PREX1: variants seen among roughly 807,000 people sequenced by gnomAD.
The protein encoded by PREX1 is phosphatidylinositol 3,4,5-trisphosphate-dependent Rac exchanger 1 protein.
PREX1 carries 41 observed loss-of-function variants against 198.3 expected under a neutral mutation model. The observed-to-expected ratio is 0.21, with a 90% confidence interval of 0.16 to 0.27. The LOEUF (loss-of-function observed/expected upper bound fraction) is 0.27, where lower values mean the gene tolerates loss of function less well. PREX1 is among the 10% of genes least tolerant of loss of function. The pLI is 1.00. For synonymous variants in PREX1, 843 were observed against 887.2 expected (o/e 0.95, Z 0.89); for missense variants, 1,620 against 2,200.7 (o/e 0.74, Z 5.28).
At chr20:48,820,683 C>A (rs4810882) in intron 1 of PREX1, among the ~76,000 whole-genome samples, 43,449 of 151,884 alleles carry the variant, frequency 0.29, 6,437 homozygotes, top group Non-Finnish European at 0.33. Flanking sequence ...CCTGGAATAT[C>A]TGGAGACATC....
chr20:48,787,154 C>A (rs186555834), intron 1 of PREX1, among the ~76,000 whole-genome samples: 1 of 152,160 alleles, frequency 6.6e-6, no homozygotes, highest in East Asian at 1.9e-4. Flanking sequence ...TGGTGACGGG[C>A]GACAGTGCCC....
chr20:48,759,701 G>T (rs1025235299), intron 1 of PREX1, among the ~76,000 whole-genome samples: 1 of 152,044 alleles, frequency 6.6e-6, no homozygotes, highest in Non-Finnish European at 1.5e-5. Context: ...CCTCTATAAC[G>T]GGGGATAAAA....
chr20:48,859,686 A>G, the PREX1 span, among the ~76,000 whole-genome samples: 4 of 152,230 alleles, frequency 2.6e-5, no homozygotes, highest in African/African-American at 4.8e-5. Flanking sequence ...CATATGACCC[A>G]GCAATTCCAC....
intron 25 of PREX1, among the ~76,000 whole-genome samples, chr20:48,646,719 G>A (rs1351057611): frequency 1.3e-5 from 2 of 151,582 alleles, no homozygotes; most frequent in Non-Finnish European, 2.9e-5. Context: ...GAAAACAATA[G>A]GCTGAAGTCT....
At chr20:48,733,605 T>C (rs1325972845) in intron 4 of PREX1, among the ~76,000 whole-genome samples, 1 of 152,174 alleles carries the variant, frequency 6.6e-6, no homozygotes, top group African/African-American at 2.4e-5. Flanking sequence ...GAGACATACA[T>C]TACTGATGAC....
In PREX1 at chr20:48,682,805, G is replaced by A. The variant is rs984458587; in HGVS notation, c.1335-1470C>T. ...GAGAGCCTGGAATGGGGCTGTTTCC[G>A]CCGAGGCAATCTGTGTTCAATGAAA... On this transcript the variant is annotated intron_variant, in intron 10 of 39. Transcript: ENST00000371941. Among the ~76,000 whole-genome samples the A allele has an allele frequency of 1.4e-4, 21 of 152,304 alleles. No homozygotes were observed. In the East Asian group the frequency reaches 1.5e-3, roughly 11 times the overall value.
intron 1 of PREX1, among the ~76,000 whole-genome samples, chr20:48,802,797 A>G (rs538566877): frequency 6.6e-6 from 1 of 152,334 alleles, no homozygotes; most frequent in Non-Finnish European, 1.5e-5. Context: ...AGCTCTAAGT[A>G]TGCCTGACAT....
chr20:48,809,716 G>A (rs184804589), intron 1 of PREX1, among the ~76,000 whole-genome samples: 135 of 152,306 alleles, frequency 8.9e-4, no homozygotes, highest in Non-Finnish European at 1.5e-3. Context: ...AAACCTGACC[G>A]GGATGGTATC....
chr20:48,819,744 T>C (rs955155972), intron 1 of PREX1, among the ~76,000 whole-genome samples: 2 of 152,242 alleles, frequency 1.3e-5, no homozygotes, highest in Non-Finnish European at 2.9e-5. Flanking sequence ...TTTTGCGGTG[T>C]CTGAAGATTC....
chr20:48,637,854 T>C (rs1304587345), intron 30 of PREX1, 102 bp from the exon 31 acceptor site: 10 of 1,044,798 alleles, frequency 9.6e-6, no homozygotes, highest in Non-Finnish European at 7.1e-6. Context: ...CAAGGTGCTC[T>C]GACCCTTCAC....
At chr20:48,824,578 C>T (rs2090500693) in intron 1 of PREX1, among the ~76,000 whole-genome samples, 1 of 152,206 alleles carries the variant, frequency 6.6e-6, no homozygotes, top group Non-Finnish European at 1.5e-5. Context: ...TACTGCCAGA[C>T]ACTGTTCTAA....
chr20:48,800,321 A>G (rs1001796189), intron 1 of PREX1, among the ~76,000 whole-genome samples: 8 of 152,210 alleles, frequency 5.3e-5, no homozygotes, highest in African/African-American at 1.7e-4. Context: ...CAACAGCCCC[A>G]GTTTACTGAG....
intron 1 of PREX1, among the ~76,000 whole-genome samples, chr20:48,816,777 G>A (rs961554019): frequency 5.9e-5 from 9 of 152,164 alleles, no homozygotes; most frequent in South Asian, 2.1e-4. Context: ...CACCCTCCTC[G>A]CTCCAAGCAT....
intron 23 of PREX1, 69 bp from the exon 24 acceptor site, chr20:48,650,275 T>G: frequency 6.9e-7 from 1 of 1,457,322 alleles, no homozygotes; most frequent in South Asian, 1.2e-5. Context: ...CCATACCCAG[T>G]ACCCACTTTA....
rs1010591409 is a variant in PREX1 at position 48,827,979 on chromosome 20, C to G, written c.-119G>C. 1 of 265,636 alleles carries G rather than the reference C, an allele frequency of 3.8e-6. No individual in the cohort carries two copies. Among genetic ancestry groups the G allele is most frequent in the Non-Finnish European group, 5.7e-6 (1 of 175,056 alleles). The allele number at this position is 265,636 out of a possible 1,614,324, so 16.5% of individuals were successfully genotyped here. On this transcript the variant is annotated 5_prime_UTR_variant, in exon 1 of 40. Coordinates refer to ENST00000371941, the MANE Select transcript of PREX1 (RefSeq NM_020820.4). This position sits in a 1 kb window ranked among gnomAD's most constrained non-coding sequence, Gnocchi z 4.1. The stretch of plus-strand genomic sequence containing the variant: ...GCCGGGCTCAGCGGCGGGCCGGGCT[C>G]CCGGCGCGGCGGGCGGGACTGGGGG...
At chr20:48,771,448 C>G (rs1182588404) in intron 1 of PREX1, among the ~76,000 whole-genome samples, 1 of 151,844 alleles carries the variant, frequency 6.6e-6, no homozygotes, top group Admixed American at 6.6e-5. Context: ...AGGGTTTGCA[C>G]CAATTTATTG....
chr20:48,813,640 G>A (rs139818805), intron 1 of PREX1, among the ~76,000 whole-genome samples: 10 of 152,220 alleles, frequency 6.6e-5, no homozygotes, highest in African/African-American at 1.2e-4. Context: ...TAATAATAAC[G>A]TGTGTGTGCA....
chr20:48,683,650 C>A (rs2089766576), intron 10 of PREX1, among the ~76,000 whole-genome samples: 1 of 152,338 alleles, frequency 6.6e-6, no homozygotes, highest in Middle Eastern at 3.4e-3. Context: ...GGCAGCCACT[C>A]TTCAGTGTAG....
chr20:48,652,501 G>C (rs910244136), intron 21 of PREX1, 85 bp downstream of exon 21: 1 of 1,464,086 alleles, frequency 6.8e-7, no homozygotes, highest in Non-Finnish European at 9.1e-7. Context: ...AGGAGGGGAG[G>C]GGAGGGGACA....
Sources: allele counts gnomAD v4.1 joint callset (sites outside exome capture counted in the v4.1 genomes callset), GRCh38; gene constraint gnomAD v4.1.1; non-coding constraint Gnocchi (gnomAD v3.1); transcripts MANE v1.5; gene names NCBI Gene and HGNC (gene_info 2026-07-23, HGNC 2026-07-21).